The following KIF26B variants were observed in gnomAD, a reference collection of about 807,000 sequenced individuals.
KIF26B encodes the protein kinesin-like protein KIF26B.
In KIF26B, 63 loss-of-function variants were observed where a neutral mutation model predicts 151.2. That is an observed-to-expected ratio of 0.42 (90% CI 0.34 to 0.51). The LOEUF (loss-of-function observed/expected upper bound fraction) is 0.51, where lower values mean the gene tolerates loss of function less well. KIF26B is among the 20% of genes least tolerant of loss of function. The probability of loss-of-function intolerance (pLI) is 0.07; values close to 1 mark genes in which losing one functional copy is unlikely to be tolerated. For synonymous variants in KIF26B, 1,357 were observed against 1,262.1 expected, an observed-to-expected ratio of 1.08 and a Z score of -1.59; for missense variants, 2,813 against 2,913.6, an observed-to-expected ratio of 0.97 and a Z score of 0.79.
At chr1:245,589,520 G>A (rs115880440) in intron 5 of KIF26B, among the ~76,000 whole-genome samples, 45 of 152,302 alleles carry the variant, frequency 3.0e-4, no homozygotes, top group African/African-American at 1.0e-3. Context: ...CATGGGAGCT[G>A]CACACATTTA....
At chr1:245,528,401 C>A (rs377138661) in intron 4 of KIF26B, among the ~76,000 whole-genome samples, 4 of 152,292 alleles carry the variant, frequency 2.6e-5, no homozygotes, top group South Asian at 4.1e-4. Flanking sequence ...ATCCTGCCCG[C>A]TGTGCTTTCT....
In KIF26B at chr1:245,601,162, G is replaced by T. The variant is rs760327218; in HGVS notation, c.1351-1415G>T. On this transcript the variant is annotated intron_variant, in intron 5 of 14. Transcript: ENST00000407071. This position sits in a 1 kb window ranked among gnomAD's most constrained non-coding sequence, Gnocchi z 4.4. ...ATCTAAACCCTCAGAGGTAGAGTGC[G>T]TCCCACACTCGGGCTCCTTCTACTG... is the stretch of plus-strand genomic sequence containing the variant. 6.6e-6 allele frequency among the ~76,000 whole-genome samples: 1 copy of T among 152,158 alleles called. No homozygotes were observed. Among genetic ancestry groups the T allele is most frequent in the Non-Finnish European group, 1.5e-5 (1 of 68,034 alleles).
chr1:245,422,282 TC>T (rs558537939), intron 4 of KIF26B, among the ~76,000 whole-genome samples: 1 of 151,802 alleles, frequency 6.6e-6, no homozygotes, highest in Non-Finnish European at 1.5e-5. Context: ...TCTATAGATT[TC>T]CCCCCCACCC....
intron 4 of KIF26B, among the ~76,000 whole-genome samples, chr1:245,479,188 C>T (rs991008290): frequency 2.0e-5 from 3 of 151,732 alleles, no homozygotes; most frequent in Admixed American, 2.0e-4. Context: ...AACCCTGTAA[C>T]TGAGTAAGAT....
At chr1:245,307,264 G>A (rs1378570002) in intron 2 of KIF26B, among the ~76,000 whole-genome samples, 2 of 152,130 alleles carry the variant, frequency 1.3e-5, no homozygotes, top group Non-Finnish European at 2.9e-5. Flanking sequence ...CTCATATGCC[G>A]GACCGTGACA....
intron 9 of KIF26B, among the ~76,000 whole-genome samples, chr1:245,612,538 C>T (rs1216827129): frequency 6.6e-6 from 1 of 152,126 alleles, no homozygotes; most frequent in African/African-American, 2.4e-5. Flanking sequence ...AGGTAATTTA[C>T]AAATGTCATT....
chr1:245,474,234 G>A (rs35564183), intron 4 of KIF26B, among the ~76,000 whole-genome samples: 20,044 of 128,572 alleles, frequency 0.16, 1,679 homozygotes, highest in African/African-American at 0.22. Context: ...TCAGCCTCCC[G>A]AGTGGCTGGG....
At chr1:245,581,176 T>C (rs1230299913) in intron 5 of KIF26B, among the ~76,000 whole-genome samples, 2 of 152,202 alleles carry the variant, frequency 1.3e-5, no homozygotes, top group Non-Finnish European at 2.9e-5. Flanking sequence ...CATCCATCCT[T>C]TTGGTCCTTT....
chr1:245,176,144 C>T (rs1668805114), intron 2 of KIF26B, among the ~76,000 whole-genome samples: 2 of 152,064 alleles, frequency 1.3e-5, no homozygotes, highest in Admixed American at 6.6e-5. Flanking sequence ...GGATTACATG[C>T]ATGAGTCACC....
At chr1:245,415,788 C>CTTT (rs781545952) in intron 3 of KIF26B, among the ~76,000 whole-genome samples, 2 of 137,984 alleles carry the variant, frequency 1.4e-5, no homozygotes, top group Non-Finnish European at 1.6e-5. Context: ...TCAGCATCTA[C>CTTT]TTTTTTTTTT....
intron 4 of KIF26B, among the ~76,000 whole-genome samples, chr1:245,441,055 G>T (rs1402973241): frequency 3.3e-5 from 5 of 152,206 alleles, no homozygotes; most frequent in Non-Finnish European, 5.9e-5. Flanking sequence ...AAAGGGACAG[G>T]TGACGGCCTG....
intron 2 of KIF26B, among the ~76,000 whole-genome samples, chr1:245,334,658 CG>C (rs1371554189): frequency 3.3e-5 from 5 of 152,114 alleles, no homozygotes; most frequent in Non-Finnish European, 4.4e-5. Context: ...AGTATGGGTG[CG>C]GGGCAGACAA....
At chr1:245,259,534 G>T (rs1240112890) in intron 2 of KIF26B, among the ~76,000 whole-genome samples, 1 of 152,224 alleles carries the variant, frequency 6.6e-6, no homozygotes, top group Admixed American at 6.5e-5. Context: ...AGAATACTGG[G>T]TTTGGTTGTG....
At chr1:245,387,171 T>G (rs970472844) in intron 3 of KIF26B, among the ~76,000 whole-genome samples, 2 of 146,328 alleles carry the variant, frequency 1.4e-5, no homozygotes, top group African/African-American at 5.2e-5. Context: ...GTTTTTTGTT[T>G]TTTGTTTTTT....
In KIF26B at chr1:245,367,419, G is replaced by C. The variant is rs562029764; in HGVS notation, c.999+52G>C. 1 of 1,484,384 alleles carries C rather than the reference G, an allele frequency of 6.7e-7. No individual in the cohort carries two copies. The allele number at this position is 1,484,384 out of a possible 1,614,324, so 92.0% of individuals were successfully genotyped here. Reference sequence around the variant, plus strand: ...AGCAGGGCTGGCTGGAGTCAAAGCGGAGAAGTAGGCAGCACTTCCTTCCGC... The same window carrying C: ...AGCAGGGCTGGCTGGAGTCAAAGCGCAGAAGTAGGCAGCACTTCCTTCCGC... On this transcript the variant is annotated intron_variant, in intron 3 of 14. Coordinates refer to ENST00000407071, the MANE Select transcript of KIF26B (RefSeq NM_018012.4). This position sits in a 1 kb window ranked among gnomAD's most constrained non-coding sequence, Gnocchi z 4.2.
intron 2 of KIF26B, among the ~76,000 whole-genome samples, chr1:245,207,027 G>A (rs55858959): frequency 0.014 from 2,060 of 152,204 alleles, 21 homozygotes; most frequent in Middle Eastern, 0.027. Flanking sequence ...TGACGATTTC[G>A]GCTTAGGGTC....
Position 245,703,994 on chromosome 1 carries a change from A to C in KIF26B, c.*1388A>C, listed in dbSNP as rs2044808293. The C allele has an allele frequency of 6.6e-6, 1 of 152,230 alleles. No homozygotes were observed. Among genetic ancestry groups the C allele is most frequent in the Non-Finnish European group, 1.5e-5 (1 of 68,046 alleles). The allele number at this position is 152,230 out of a possible 1,614,324, so 9.4% of individuals were successfully genotyped here. ...AGGTCTTGGCTCCCAACAACTCAGG[A>C]CCTCAAATTCAGATGTTCCTCCCTA... is the stretch of plus-strand genomic sequence containing the variant. On this transcript the variant is annotated 3_prime_UTR_variant, in exon 15 of 15. Coordinates refer to ENST00000407071, the MANE Select transcript of KIF26B (RefSeq NM_018012.4).
chr1:245,461,646 G>A (rs1440409095), intron 4 of KIF26B, among the ~76,000 whole-genome samples: 1 of 152,104 alleles, frequency 6.6e-6, no homozygotes, highest in Non-Finnish European at 1.5e-5. Context: ...CTTCCCCGGG[G>A]ATGCTGCCCT....
chr1:245,527,152 T>C (rs1038101793), intron 4 of KIF26B, among the ~76,000 whole-genome samples: 3 of 152,214 alleles, frequency 2.0e-5, no homozygotes, highest in Non-Finnish European at 4.4e-5. Flanking sequence ...AAAGGCAGCA[T>C]GGTGTAATGA....
Sources: allele counts gnomAD v4.1 joint callset (sites outside exome capture counted in the v4.1 genomes callset), GRCh38; gene constraint gnomAD v4.1.1; non-coding constraint Gnocchi (gnomAD v3.1); transcripts MANE v1.5; gene names NCBI Gene and HGNC (gene_info 2026-07-23, HGNC 2026-07-21).